The following OLFML2B variants were observed in gnomAD, a reference collection of about 807,000 sequenced individuals.
OLFML2B encodes olfactomedin like 2B, also known as olfactomedin-like protein 2B.
Under a neutral mutation model 74.9 loss-of-function variants are expected in OLFML2B, and 57 were observed. The observed-to-expected ratio is 0.76, with a 90% CI of 0.61 to 0.95. The LOEUF is 0.95. OLFML2B is among the 40% of genes least tolerant of loss of function. OLFML2B has a pLI of 0.00. For synonymous variants in OLFML2B, 388 were observed against 405.8 expected (o/e 0.96, Z 0.53); for missense variants, 986 against 970.6 (o/e 1.02, Z -0.21).
At chr1:162,007,608 TAACA>T (rs1690270124) in intron 3 of OLFML2B, among the ~76,000 whole-genome samples, 1 of 152,218 alleles carries the variant, frequency 6.6e-6, no homozygotes, top group South Asian at 2.1e-4. Context: ...CATCTTTCTT[TAACA>T]AACAGACACA....
At chr1:162,006,237 G>C in intron 4 of OLFML2B, 60 bp downstream of exon 4, 1 of 1,462,362 alleles carries the variant, frequency 6.8e-7, no homozygotes, top group Non-Finnish European at 9.1e-7. Context: ...GCAGAGGAGA[G>C]ATGCTGATAT....
At chr1:162,010,890 A>G (rs544583678) in intron 3 of OLFML2B, among the ~76,000 whole-genome samples, 1 of 152,114 alleles carries the variant, frequency 6.6e-6, no homozygotes, top group Non-Finnish European at 1.5e-5. Context: ...ACCTCACCCA[A>G]GCTTGGCACA....
chr1:162,014,495 AC>A (rs1346834710), intron 3 of OLFML2B, among the ~76,000 whole-genome samples: 1 of 151,992 alleles, frequency 6.6e-6, no homozygotes, highest in Non-Finnish European at 1.5e-5. Context: ...CTCCAATCTG[AC>A]CCCTTTTTTG....
intron 6 of OLFML2B, among the ~76,000 whole-genome samples, chr1:161,993,991 C>A (rs1421938113): frequency 1.3e-5 from 2 of 152,378 alleles, no homozygotes; most frequent in African/African-American, 4.8e-5. Context: ...GACTCTTTAT[C>A]CTCATCAAAA....
intron 3 of OLFML2B, among the ~76,000 whole-genome samples, chr1:162,008,130 T>G (rs1690284119): frequency 6.6e-6 from 1 of 152,162 alleles, no homozygotes; most frequent in African/African-American, 2.4e-5. Flanking sequence ...AGATCTGAGA[T>G]CTCAGGCACA....
chr1:162,008,071 G>A (rs188328168), intron 3 of OLFML2B, among the ~76,000 whole-genome samples: 2 of 152,312 alleles, frequency 1.3e-5, no homozygotes, highest in African/African-American at 4.8e-5. Flanking sequence ...TAATGGGTAA[G>A]AGCATGGATT....
intron 4 of OLFML2B, among the ~76,000 whole-genome samples, chr1:162,001,070 T>C (rs1431001792): frequency 6.6e-6 from 1 of 152,208 alleles, no homozygotes; most frequent in East Asian, 1.9e-4. Context: ...TTCAGCCTGT[T>C]TTCTCTGCCT....
In OLFML2B at chr1:162,023,530, A is replaced by C. The variant is rs916644746; in HGVS notation, c.-100T>G. 23 of 1,239,308 alleles carry C rather than the reference A, an allele frequency of 1.9e-5. No homozygotes were observed. The highest frequency in any genetic ancestry group is 2.3e-4 in the Middle Eastern group (1 of 4,326). The allele number at this position is 1,239,308 out of a possible 1,614,324, so 76.8% of individuals were successfully genotyped here. A position where few individuals can be genotyped will look rare whatever the true frequency, so the allele number is the denominator to read the frequency against. On this transcript the variant is annotated 5_prime_UTR_variant, in exon 1 of 8. Transcript: ENST00000294794. ...GAGAGGGTGTCCTCGCTAGAGCCCG[A>C]AAGTGGCTGCTGAGAGCACCTTCTA... is the stretch of plus-strand genomic sequence containing the variant.
At chr1:162,020,386 G>T (rs947374223) in intron 1 of OLFML2B, among the ~76,000 whole-genome samples, 6 of 152,102 alleles carry the variant, frequency 3.9e-5, no homozygotes, top group Admixed American at 3.9e-4. Flanking sequence ...AGCTCTCTTC[G>T]TTTGTCTTGG....
In OLFML2B at chr1:162,006,639, G is replaced by A. The variant is rs558218772; in HGVS notation, c.547-166C>T. On this transcript the variant is annotated intron_variant, in intron 3 of 7. Coordinates refer to ENST00000294794, the MANE Select transcript of OLFML2B (RefSeq NM_015441.3). ...TGTGCCCAGCCCTGGGCTGAGCACC[G>A]GTACCAGGTCTCCTGGCAGTATTTC... Among the ~76,000 whole-genome samples, 20 of 152,204 alleles carry A rather than the reference G, an allele frequency of 1.3e-4. No homozygotes were observed. The Middle Eastern group carries it at 0.01, about 78-fold the overall frequency.
In OLFML2B at chr1:162,006,489, A is replaced by AC. The variant is rs777232698; in HGVS notation, c.547-17_547-16insG. On this transcript the variant is annotated splice_polypyrimidine_tract_variant and intron_variant, in intron 3 of 7. Transcript: ENST00000294794. ...TAGACACTTCCTGAGAAGGAAAAAA[A>AC]AAAGATGATCCATTAAAGCACCCTG... 5.1e-6 allele frequency: 8 copies of AC among 1,557,134 alleles called. No homozygotes were observed. In the South Asian group the frequency reaches 9.8e-5, roughly 19 times the overall value.
intron 4 of OLFML2B, among the ~76,000 whole-genome samples, chr1:162,003,310 A>G (rs1690130008): frequency 1.3e-5 from 2 of 152,244 alleles, no homozygotes; most frequent in African/African-American, 4.8e-5. Context: ...CCCGTGACTC[A>G]GACGCTGAAC....
chr1:162,019,999 C>T lies in OLFML2B; in HGVS notation c.358G>A (p.Ala120Thr). 1 of 1,614,178 alleles carries T rather than the reference C, an allele frequency of 6.2e-7. No homozygotes were observed. The highest frequency in any genetic ancestry group is 8.5e-7 in the Non-Finnish European group (1 of 1,180,014). The change falls in exon 2 of 8, where the codon GCA becomes ACA. Residue 120 changes from alanine to threonine, a missense_variant. Ala to Thr is a moderately conservative substitution (Grantham distance 58, BLOSUM62 0). Transcript: ENST00000294794. ...SGSSCKCACV[A>T]PPSALNPCEG... Reference sequence around the variant, plus strand: ...CAGGGATTGAGGGCCGATGGGGGTGCTACACAGGCACACTTGCACGACGAG... The same window carrying T: ...CAGGGATTGAGGGCCGATGGGGGTGTTACACAGGCACACTTGCACGACGAG...
chr1:162,017,652 G>C, intron 2 of OLFML2B, 145 bp from the exon 3 acceptor site: 3 of 599,526 alleles, frequency 5.0e-6, no homozygotes, highest in Non-Finnish European at 8.7e-6. Flanking sequence ...CATTTGTGTA[G>C]ACAGGGATGT....
In OLFML2B at chr1:161,983,372, G is replaced by A. The variant is rs1000026205; in HGVS notation, c.*303C>T. 49 of 225,940 alleles carry A rather than the reference G, an allele frequency of 2.2e-4. No individual in the cohort carries two copies. Among genetic ancestry groups the A allele is most frequent in the Middle Eastern group, 1.5e-3 (1 of 674 alleles). 14.0% of individuals were successfully genotyped at this position (225,940 alleles called of 1,614,324 possible). On this transcript the variant is annotated 3_prime_UTR_variant, in exon 8 of 8. Transcript: ENST00000294794. ...AGATGAAGAAACCTTTTCAATGGTCGAGATCTGAGACTTGGAGCTGGAGGG... is the reference window on the plus strand; with the variant it reads ...AGATGAAGAAACCTTTTCAATGGTCAAGATCTGAGACTTGGAGCTGGAGGG...
At chr1:161,989,308 T>C (rs578093312) in intron 6 of OLFML2B, among the ~76,000 whole-genome samples, 1 of 151,368 alleles carries the variant, frequency 6.6e-6, no homozygotes, top group South Asian at 2.1e-4. Flanking sequence ...CATTCAGAGG[T>C]CTCAAACTCA....
At chr1:162,022,646 C>T (rs1690752833) in intron 1 of OLFML2B, among the ~76,000 whole-genome samples, 1 of 152,142 alleles carries the variant, frequency 6.6e-6, no homozygotes, top group South Asian at 2.1e-4. Context: ...GGTAAACGGA[C>T]ACTTTACGAA....
chr1:162,001,849 G>C (rs913708038), intron 4 of OLFML2B, among the ~76,000 whole-genome samples: 1 of 152,162 alleles, frequency 6.6e-6, no homozygotes, highest in Non-Finnish European at 1.5e-5. Flanking sequence ...AAATCCCAAG[G>C]AATCATCTAC....
intron 6 of OLFML2B, among the ~76,000 whole-genome samples, chr1:161,987,484 G>A (rs1689622215): frequency 6.6e-6 from 1 of 152,130 alleles, no homozygotes; most frequent in African/African-American, 2.4e-5. Flanking sequence ...GATGAAAAAA[G>A]CAAAGACTGA....
Sources: gnomAD v4.1 joint callset for allele counts (sites outside exome capture counted in the v4.1 genomes callset) on GRCh38, gnomAD v4.1.1 for gene constraint, MANE v1.5 for transcripts, NCBI Gene and HGNC (gene_info 2026-07-23, HGNC 2026-07-21) for gene names.